Variants in NUDT3 observed in about 807,000 individuals in gnomAD.
The protein encoded by NUDT3 is nudix hydrolase 3, also known as diphosphoinositol polyphosphate phosphohydrolase 1.
A neutral mutation model predicts 23.6 loss-of-function variants in NUDT3; 9 were observed. The ratio of observed to expected loss-of-function variants is 0.38; its 90% confidence interval spans 0.23 to 0.66. The LOEUF (loss-of-function observed/expected upper bound fraction) is 0.66. NUDT3 is among the 30% of genes least tolerant of loss of function. NUDT3 has a pLI of 0.52. For missense variants in NUDT3, 172 were observed against 218.5 expected (o/e 0.79, Z 1.34); for synonymous variants, 86 against 82.6 (o/e 1.04, Z -0.22).
At chr6:34,350,662 T>G (rs1359185914) in intron 1 of NUDT3, among the ~76,000 whole-genome samples, 1 of 150,862 alleles carries the variant, frequency 6.6e-6, no homozygotes, top group African/African-American at 2.5e-5. Context: ...TTAAAGCCAT[T>G]CTACTATTTT....
intron 1 of NUDT3, among the ~76,000 whole-genome samples, chr6:34,359,424 CCT>C (rs1437843469): frequency 1.3e-5 from 2 of 152,036 alleles, no homozygotes; most frequent in Non-Finnish European, 2.9e-5. Flanking sequence ...GCAGTTATTC[CCT>C]GTCCCCATCC....
rs1763272747 is a variant in NUDT3, at chr6:34,280,948, T to C, written c.*7805A>G. ...AGGGACAAGAAATACTTTTGTCCTC[T>C]AGAAAAACTTAACTCAATACATCTT... On this transcript the variant is annotated 3_prime_UTR_variant, in exon 5 of 5. Transcript: ENST00000607016. The C allele has an allele frequency of 6.6e-6, 1 of 152,230 alleles. No homozygotes were observed. The highest frequency in any genetic ancestry group is 2.4e-5 in the African/African-American group (1 of 41,462). 9.4% of individuals were successfully genotyped at this position (152,230 alleles called of 1,614,324 possible). A position where few individuals can be genotyped will look rare whatever the true frequency, so the allele number is the denominator to read the frequency against.
intron 1 of NUDT3, among the ~76,000 whole-genome samples, chr6:34,382,572 A>T: frequency 6.6e-6 from 1 of 151,128 alleles, no homozygotes; most frequent in South Asian, 2.1e-4. Context: ...TTGGAAGGTC[A>T]AGGCAGGAGG....
chr6:34,387,555 C>T (rs75517991), intron 1 of NUDT3, among the ~76,000 whole-genome samples: 2,432 of 151,236 alleles, frequency 0.016, 66 homozygotes, highest in African/African-American at 0.056. Flanking sequence ...AAAACATTAG[C>T]CAGGCATGGC....
intron 2 of NUDT3, among the ~76,000 whole-genome samples, chr6:34,331,341 ATTTTTCT>A (rs1363339605): frequency 2.3e-5 from 3 of 132,336 alleles, no homozygotes; most frequent in South Asian, 2.3e-4. Context: ...GACCTGCTGG[ATTTTTCT>A]TTTTTCTTTT....
intron 2 of NUDT3, among the ~76,000 whole-genome samples, chr6:34,315,635 T>A (rs1365531184): frequency 1.3e-5 from 2 of 152,192 alleles, no homozygotes; most frequent in Non-Finnish European, 2.9e-5. Flanking sequence ...TAAATATGTA[T>A]TCAAAAGAAA....
At chr6:34,334,968 GGAGA>G (rs954985332) in intron 2 of NUDT3, among the ~76,000 whole-genome samples, 2 of 149,850 alleles carry the variant, frequency 1.3e-5, no homozygotes, top group African/African-American at 4.9e-5. Flanking sequence ...AGAGAAAGAG[GGAGA>G]GAAAGAAAGA....
chr6:34,340,363 G>A (rs992278935), intron 2 of NUDT3, among the ~76,000 whole-genome samples: 4 of 152,102 alleles, frequency 2.6e-5, no homozygotes, highest in African/African-American at 9.7e-5. Context: ...AATTCACAAA[G>A]GACATTCATA....
chr6:34,334,071 T>C (rs140741191), intron 2 of NUDT3, among the ~76,000 whole-genome samples: 3,212 of 152,336 alleles, frequency 0.021, 46 homozygotes, highest in Non-Finnish European at 0.032. Flanking sequence ...CACTCTGCAT[T>C]TCCACTGTTG....
At chr6:34,351,198 T>TTAAAAAAA (rs1764462307) in intron 1 of NUDT3, among the ~76,000 whole-genome samples, 5 of 17,894 alleles carry the variant, frequency 2.8e-4, no homozygotes, top group Non-Finnish European at 1.1e-4. Context: ...CTCCCCTGCC[T>TTAAAAAAA]AAAAAAAAAA....
intron 1 of NUDT3, among the ~76,000 whole-genome samples, chr6:34,382,010 T>C (rs1386035012): frequency 2.9e-5 from 4 of 136,414 alleles, no homozygotes; most frequent in Non-Finnish European, 6.2e-5. Flanking sequence ...GAGACGGGGG[T>C]TGCAGCGAGC....
intron 2 of NUDT3, among the ~76,000 whole-genome samples, chr6:34,308,352 TCAAGAAGCTGAG>T (rs1189722022): frequency 6.7e-6 from 1 of 149,968 alleles, no homozygotes; most frequent in Non-Finnish European, 1.5e-5. Context: ...TCACAGCTAC[TCAAGAAGCTGAG>T]ATGGGTGGAC....
chr6:34,301,497 T>C (rs1480587730), intron 2 of NUDT3, among the ~76,000 whole-genome samples: 1 of 152,258 alleles, frequency 6.6e-6, no homozygotes, highest in Non-Finnish European at 1.5e-5. Context: ...CTTTTCCTCC[T>C]GGAACTCTGC....
At chr6:34,376,445 AT>A (rs1031661704) in intron 1 of NUDT3, among the ~76,000 whole-genome samples, 1 of 151,874 alleles carries the variant, frequency 6.6e-6, no homozygotes, top group African/African-American at 2.4e-5. Flanking sequence ...TGCACAGCTA[AT>A]TTTTTATTTT....
intron 1 of NUDT3, among the ~76,000 whole-genome samples, chr6:34,385,050 A>C (rs1281475087): frequency 2.6e-5 from 4 of 151,936 alleles, no homozygotes; most frequent in African/African-American, 9.7e-5. Context: ...AAAAAACTCA[A>C]AACAAGATCT....
intron 2 of NUDT3, among the ~76,000 whole-genome samples, chr6:34,309,348 A>C (rs1418688420): frequency 5.9e-5 from 9 of 152,176 alleles, no homozygotes; most frequent in African/African-American, 1.9e-4. Context: ...TTTTTGAATA[A>C]AAATAAAAAT....
At chr6:34,319,830 G>A (rs1763913515) in intron 2 of NUDT3, among the ~76,000 whole-genome samples, 1 of 152,160 alleles carries the variant, frequency 6.6e-6, no homozygotes, top group Non-Finnish European at 1.5e-5. Context: ...GGAAAGATTA[G>A]AGTCCTGCCT....
chr6:34,354,435 A>ACT (rs1554155578), intron 1 of NUDT3, among the ~76,000 whole-genome samples: 1 of 146,864 alleles, frequency 6.8e-6, no homozygotes, highest in African/African-American at 2.5e-5. Context: ...ACACATACAC[A>ACT]CTCTTGGCCG....
At chr6:34,372,049 C>T (rs1340449682) in intron 1 of NUDT3, among the ~76,000 whole-genome samples, 4 of 151,806 alleles carry the variant, frequency 2.6e-5, no homozygotes, top group African/African-American at 9.7e-5. Flanking sequence ...CAGCTTCACC[C>T]GTGTCCCTAC....
Sources: allele counts gnomAD v4.1 joint callset (sites outside exome capture counted in the v4.1 genomes callset), GRCh38; gene constraint gnomAD v4.1.1; transcripts MANE v1.5; gene names NCBI Gene and HGNC (gene_info 2026-07-23, HGNC 2026-07-21).